The following PHF3 variants were observed in gnomAD, a reference collection of about 807,000 sequenced individuals.
PHF3 encodes the protein PHD finger protein 3.
PHF3 carries 41 observed loss-of-function variants against 178.4 expected under a neutral mutation model. That is an observed-to-expected ratio of 0.23 (90% confidence interval 0.18 to 0.30). The LOEUF is 0.30. PHF3 is among the 10% of genes least tolerant of loss of function. The pLI is 1.00. For missense variants in PHF3, 2,346 were observed against 2,398.1 expected (o/e 0.98, Z 0.45); for synonymous variants, 842 against 800.5 (o/e 1.05, Z -0.88).
intron 2 of PHF3, chr6:63,678,777 G>C (rs1056010257): frequency 4.3e-5 from 19 of 443,310 alleles, no homozygotes; most frequent in African/African-American, 3.6e-4. Flanking sequence ...CAAAAAGATT[G>C]TGTCATTTAA....
chr6:63,712,101 T>C lies in PHF3; in HGVS notation c.4513T>C (p.Ser1505Pro). The C allele has an allele frequency of 6.2e-7, 1 of 1,613,314 alleles. No homozygotes were observed. The highest frequency in any genetic ancestry group is 8.5e-7 in the Non-Finnish European group (1 of 1,179,856). Reference sequence around the variant, plus strand: ...TCCATTTTTAAATGAGCAGACCAACTCAAAAATAGAGAAAACAGATAATGT... The same window carrying C: ...TCCATTTTTAAATGAGCAGACCAACCCAAAAATAGAGAAAACAGATAATGT... ...EIPFLNEQTN[S>P]KIEKTDNVEV... is the part of the protein sequence containing the mutation. Residue 1505 changes from serine to proline, a missense_variant, in exon 16 of 16, where the codon TCA becomes CCA. By Grantham distance (74) the Ser-to-Pro change is moderately conservative. Coordinates refer to ENST00000262043, the MANE Select transcript of PHF3 (RefSeq NM_001370348.2).
At chr6:63,705,905 C>A in intron 11 of PHF3, 124 bp from the exon 12 acceptor site, 1 of 685,786 alleles carries the variant, frequency 1.5e-6, no homozygotes, top group Non-Finnish European at 2.4e-6. Flanking sequence ...GATATAACCC[C>A]AGGAAATGTA....
chr6:63,645,117 C>G (rs181062382), intron 1 of PHF3, among the ~76,000 whole-genome samples: 112 of 152,122 alleles, frequency 7.4e-4, no homozygotes, highest in Middle Eastern at 3.4e-3. Context: ...CTCCTGGGCT[C>G]TAGTGATCTG....
At chr6:63,667,163 T>C (rs1159692148) in intron 2 of PHF3, among the ~76,000 whole-genome samples, 1 of 152,168 alleles carries the variant, frequency 6.6e-6, no homozygotes, top group African/African-American at 2.4e-5. Flanking sequence ...ATTTTTGATA[T>C]GCTGTTGGTT....
At chr6:63,677,381 A>G (rs935962056) in intron 2 of PHF3, among the ~76,000 whole-genome samples, 1 of 152,112 alleles carries the variant, frequency 6.6e-6, no homozygotes, top group African/African-American at 2.4e-5. Context: ...GCTGTTGACA[A>G]GTGGCTAGGG....
At position 63,721,665 on chromosome 6, in the gene PHF3, C is replaced by T. The variant is rs778528900; in HGVS notation, c.*7957C>T. On this transcript the variant is annotated 3_prime_UTR_variant, in exon 16 of 16. Coordinates refer to ENST00000262043, the MANE Select transcript of PHF3 (RefSeq NM_001370348.2). ...CAGGTAGCCTTCTGCACCAACTCTT[C>T]CTGCTTTTATTATATGCCAAGTACT... The T allele has an allele frequency of 1.9e-6, 3 of 1,551,390 alleles. No homozygotes were observed. Among genetic ancestry groups the T allele is most frequent in the South Asian group, 2.4e-5 (2 of 84,050 alleles).
rs905799771 is a variant in PHF3 at position 63,723,118 on chromosome 6, A to G, written c.*9410A>G. 3.3e-5 allele frequency among the ~76,000 whole-genome samples: 5 copies of G among 152,350 alleles called. No individual in the cohort carries two copies. The South Asian group carries it at 1.0e-3, about 32-fold the overall frequency. ...AGGGTTGTGGGTTGAGATGACTCAG[A>G]ATATTTCTCAAATAATAGTTTTAGC... On this transcript the variant is annotated 3_prime_UTR_variant, in exon 16 of 16. Transcript: ENST00000262043.
intron 13 of PHF3, among the ~76,000 whole-genome samples, chr6:63,707,382 C>G (rs1767739917): frequency 6.6e-6 from 1 of 152,178 alleles, no homozygotes; most frequent in African/African-American, 2.4e-5. Context: ...AGACTAGTGA[C>G]TGTAGTTGCT....
chr6:63,703,718 A>G lies in PHF3; in HGVS notation c.3367+47A>G, dbSNP rs778394554. The stretch of plus-strand genomic sequence containing the variant: ...TAAAATTTTGCATTCATTATGAAAG[A>G]AGGATACTTAGATACTAGTATATGT... On this transcript the variant is annotated intron_variant, in intron 11 of 15. Transcript: ENST00000262043. 1.7e-5 allele frequency: 26 copies of G among 1,551,624 alleles called. No individual in the cohort carries two copies. In the South Asian group the frequency reaches 2.7e-4, roughly 16 times the overall value.
intron 2 of PHF3, among the ~76,000 whole-genome samples, chr6:63,664,601 G>A (rs1383280788): frequency 2.0e-5 from 3 of 152,042 alleles, no homozygotes; most frequent in African/African-American, 7.2e-5. Flanking sequence ...ATTTTAAAAT[G>A]TTGAGCCATA....
At chr6:63,682,285 C>A (rs2149580236) in intron 3 of PHF3, among the ~76,000 whole-genome samples, 1 of 152,180 alleles carries the variant, frequency 6.6e-6, no homozygotes, top group Middle Eastern at 3.4e-3. Context: ...TCTTCATTCC[C>A]ACTTTAGAAT....
intron 13 of PHF3, 31 bp downstream of exon 13, chr6:63,706,907 T>C (rs1767718025): frequency 1.3e-6 from 2 of 1,598,242 alleles, no homozygotes; most frequent in Non-Finnish European, 1.7e-6. Context: ...TTTCTGTGCA[T>C]GAATTGATAA....
At position 63,685,657 on chromosome 6, in the gene PHF3, A is replaced by G. The variant is rs1419450022; in HGVS notation, c.1935A>G (p.Glu645=). The change falls in exon 4 of 16, where the codon GAA becomes GAG. Residue 645 remains glutamate (E), a synonymous_variant. Coordinates refer to ENST00000262043, the MANE Select transcript of PHF3 (RefSeq NM_001370348.2). Reference sequence around the variant, plus strand: ...TGAAAACCAATAGTCACGTGAAGGAAGAGCTTGAACACCCAGGCGTTGAGC... The same window carrying G: ...TGAAAACCAATAGTCACGTGAAGGAGGAGCTTGAACACCCAGGCGTTGAGC... The part of the protein sequence containing the change: ...PAMKTNSHVK[E]ELEHPGVEHF... 6.2e-7 allele frequency: 1 copy of G among 1,614,056 alleles called. No homozygotes were observed. Among genetic ancestry groups the G allele is most frequent in the Non-Finnish European group, 8.5e-7 (1 of 1,180,034 alleles).
Position 63,706,869 on chromosome 6 carries a change from T to A in PHF3, c.3704T>A (p.Leu1235Gln), listed in dbSNP as rs758315297. ...CCAGTATCTGGCTCCCCAGAATACC[T>A]GACAGAGGTACTGTGAACTTTTCTG... ...AYPVSGSPEY[L>Q]TEDLPDSIQV... The change falls in exon 13 of 16, where the codon CTG becomes CAG. Residue 1235 changes from leucine to glutamine, a missense_variant. Transcript: ENST00000262043. The A allele has an allele frequency of 1.2e-6, 2 of 1,613,774 alleles. No homozygotes were observed. The highest frequency in any genetic ancestry group is 2.2e-5 in the South Asian group (2 of 90,994).
At chr6:63,699,884 C>T (rs192396436) in intron 8 of PHF3, among the ~76,000 whole-genome samples, 9 of 152,234 alleles carry the variant, frequency 5.9e-5, no homozygotes, top group African/African-American at 1.4e-4. Flanking sequence ...CTGCGGCACC[C>T]GGCCTCCCTC....
At chr6:63,643,875 T>G (rs1456720433) in intron 1 of PHF3, among the ~76,000 whole-genome samples, 1 of 152,176 alleles carries the variant, frequency 6.6e-6, no homozygotes, top group Non-Finnish European at 1.5e-5. Flanking sequence ...TAAAGGAGTT[T>G]TAGGATGGTT....
In PHF3 at chr6:63,716,217, T is replaced by G. The variant is rs1472157108; in HGVS notation, c.*2509T>G. 2.6e-5 allele frequency among the ~76,000 whole-genome samples: 4 copies of G among 152,184 alleles called. No individual in the cohort carries two copies. On this transcript the variant is annotated 3_prime_UTR_variant, in exon 16 of 16. Coordinates refer to ENST00000262043, the MANE Select transcript of PHF3 (RefSeq NM_001370348.2). ...GAGAAGTTGGGAAACTTGGCCAGGTTACCCTGCTGTTGTCAGAGCAGGAAT... is the reference window on the plus strand; with the variant it reads ...GAGAAGTTGGGAAACTTGGCCAGGTGACCCTGCTGTTGTCAGAGCAGGAAT...
chr6:63,715,395 A>T lies in PHF3; in HGVS notation c.*1687A>T, dbSNP rs1007983342. On this transcript the variant is annotated 3_prime_UTR_variant, in exon 16 of 16. Transcript: ENST00000262043. The stretch of plus-strand genomic sequence containing the variant: ...TCTAAGTTATAATTTGCACCATTAC[A>T]AAGAAATTGCTGTCAGGGTTTTACA... 4 of 152,188 alleles carry T rather than the reference A, an allele frequency of 2.6e-5. No individual in the cohort carries two copies. Among genetic ancestry groups the T allele is most frequent in the Non-Finnish European group, 5.9e-5 (4 of 68,028 alleles). 9.4% of individuals were successfully genotyped at this position (152,188 alleles called of 1,614,324 possible). A position where few individuals can be genotyped will look rare whatever the true frequency, so the allele number is the denominator to read the frequency against.
rs1010914717 is a variant in PHF3 at position 63,719,311 on chromosome 6, T to G, written c.*5603T>G. On this transcript the variant is annotated 3_prime_UTR_variant, in exon 16 of 16. Coordinates refer to ENST00000262043, the MANE Select transcript of PHF3 (RefSeq NM_001370348.2). ...ACTGGAATCTGCACAGAAATGTGTA[T>G]TCATCAGCCCTTATTTTTTGTAAAT... is the stretch of plus-strand genomic sequence containing the variant. Among the ~76,000 whole-genome samples the G allele has an allele frequency of 1.1e-4, 17 of 152,146 alleles. No individual in the cohort carries two copies. The highest frequency in any genetic ancestry group is 2.5e-4 in the Non-Finnish European group (17 of 67,974).
Sources: allele counts gnomAD v4.1 joint callset (sites outside exome capture counted in the v4.1 genomes callset), GRCh38; gene constraint gnomAD v4.1.1; transcripts MANE v1.5; gene names NCBI Gene and HGNC (gene_info 2026-07-23, HGNC 2026-07-21).